Variants in TMEM182 observed in about 807,000 individuals in gnomAD.
The protein encoded by TMEM182 is transmembrane protein 182.
In TMEM182, 20 loss-of-function variants were observed where a neutral mutation model predicts 26.8. That is an observed-to-expected ratio of 0.75 (90% CI 0.53 to 1.09). The LOEUF is 1.09. Among genes scored for constraint, TMEM182 ranks in the 50% least tolerant of loss-of-function variants. The pLI, the probability that TMEM182 is intolerant of heterozygous loss-of-function variation, is 0.00. For missense variants in TMEM182, 277 were observed against 275.5 expected (o/e 1.01, Z -0.04); for synonymous variants, 109 against 102.2 (o/e 1.07, Z -0.40).
At position 102,817,384 on chromosome 2, in the gene TMEM182, G is replaced by C. The variant is rs1305234642; in HGVS notation, c.*2416G>C. ...CACTTTTAGAAAGAGTGAATAAAAAGGGCAGTGAGTTATGCTCTTGGACTT... is the reference window on the plus strand; with the variant it reads ...CACTTTTAGAAAGAGTGAATAAAAACGGCAGTGAGTTATGCTCTTGGACTT... On this transcript the variant is annotated 3_prime_UTR_variant, in exon 5 of 5. Coordinates refer to ENST00000412401, the MANE Select transcript of TMEM182 (RefSeq NM_144632.5). The C allele has an allele frequency of 1.0e-6, 1 of 985,236 alleles. No individual in the cohort carries two copies. Among genetic ancestry groups the C allele is most frequent in the African/African-American group, 1.7e-5 (1 of 57,214 alleles). The allele number at this position is 985,236 out of a possible 1,614,324, so 61.0% of individuals were successfully genotyped here.
intron 3 of TMEM182, among the ~76,000 whole-genome samples, chr2:102,774,902 T>G (rs1680845020): frequency 6.6e-6 from 1 of 152,216 alleles, no homozygotes; most frequent in African/African-American, 2.4e-5. Context: ...TCTTCTTATT[T>G]TCTTCTTTTT....
intron 3 of TMEM182, among the ~76,000 whole-genome samples, chr2:102,769,456 C>T (rs1680588961): frequency 6.6e-6 from 1 of 152,080 alleles, no homozygotes; most frequent in Admixed American, 6.5e-5. Flanking sequence ...TGGACACATA[C>T]CTTCAAACAA....
intron 1 of TMEM182, among the ~76,000 whole-genome samples, chr2:102,753,292 AG>A (rs1679931693): frequency 6.6e-6 from 1 of 151,966 alleles, no homozygotes; most frequent in Non-Finnish European, 1.5e-5. Flanking sequence ...CCTTTTGCAG[AG>A]GGAAGGGTAT....
intron 3 of TMEM182, chr2:102,775,005 T>G (rs1002927116): frequency 6.6e-6 from 1 of 152,274 alleles, no homozygotes; most frequent in Non-Finnish European, 1.5e-5. Context: ...CTTGTCTATA[T>G]ATCTACAAAA....
At chr2:102,741,733 T>A (rs1679551423) in intron 1 of TMEM182, among the ~76,000 whole-genome samples, 1 of 152,192 alleles carries the variant, frequency 6.6e-6, no homozygotes, top group South Asian at 2.1e-4. Context: ...GGTTCCAGTA[T>A]AATAACAGTG....
chr2:102,809,542 A>G (rs1682473373), intron 4 of TMEM182, among the ~76,000 whole-genome samples: 1 of 152,114 alleles, frequency 6.6e-6, no homozygotes, highest in Admixed American at 6.5e-5. Context: ...TGCTTCCTGG[A>G]AACATTTTCC....
intron 3 of TMEM182, among the ~76,000 whole-genome samples, chr2:102,779,811 A>G (rs1168971275): frequency 6.6e-6 from 1 of 152,056 alleles, no homozygotes; most frequent in Admixed American, 6.5e-5. Context: ...AGCCTGGCCA[A>G]CATGATGAAA....
At chr2:102,754,272 C>T (rs1275392195) in intron 1 of TMEM182, among the ~76,000 whole-genome samples, 1 of 152,124 alleles carries the variant, frequency 6.6e-6, no homozygotes, top group Non-Finnish European at 1.5e-5. Context: ...ATATACTGTG[C>T]ATTACCTAAC....
chr2:102,748,849 G>T (rs1679792323), intron 1 of TMEM182, among the ~76,000 whole-genome samples: 1 of 152,006 alleles, frequency 6.6e-6, no homozygotes, highest in Non-Finnish European at 1.5e-5. Flanking sequence ...CATTAAGATT[G>T]ATCTTAAATT....
At chr2:102,801,385 G>A (rs1558780741) in intron 4 of TMEM182, among the ~76,000 whole-genome samples, 1 of 152,134 alleles carries the variant, frequency 6.6e-6, no homozygotes, top group Admixed American at 6.5e-5. Flanking sequence ...CAAAAAGGGG[G>A]TGGGCTAGCT....
chr2:102,804,421 A>G (rs1682271180), intron 4 of TMEM182, among the ~76,000 whole-genome samples: 1 of 152,172 alleles, frequency 6.6e-6, no homozygotes, highest in Non-Finnish European at 1.5e-5. Flanking sequence ...TTGGTTTTCC[A>G]TTCCTGAGTT....
At chr2:102,766,029 C>A (rs1239133828) in intron 3 of TMEM182, among the ~76,000 whole-genome samples, 1 of 152,180 alleles carries the variant, frequency 6.6e-6, no homozygotes, top group African/African-American at 2.4e-5. Flanking sequence ...AACATTCTTA[C>A]TTTTATAAAA....
In TMEM182 at chr2:102,777,277, T is replaced by C. The variant is rs552890271; in HGVS notation, c.331+12850T>C. Among the ~76,000 whole-genome samples, 13 of 152,226 alleles carry C rather than the reference T, an allele frequency of 8.5e-5. 1 individual carries two copies. The South Asian group carries it at 2.3e-3, about 27-fold the overall frequency. ...TTTCAAGGAGTTTTATGGTTTAGCA[T>C]TTTACATTTAGATCTATGATTTATT... On this transcript the variant is annotated intron_variant, in intron 3 of 4. Transcript: ENST00000412401.
intron 3 of TMEM182, among the ~76,000 whole-genome samples, chr2:102,787,860 C>A (rs1035675983): frequency 6.6e-6 from 1 of 152,132 alleles, no homozygotes; most frequent in African/African-American, 2.4e-5. Context: ...CCTCTCTGAG[C>A]CTCATCTGTA....
At chr2:102,797,810 C>G in intron 3 of TMEM182, 53 bp from the exon 4 acceptor site, 1 of 1,576,294 alleles carries the variant, frequency 6.3e-7, no homozygotes, top group Non-Finnish European at 8.6e-7. Flanking sequence ...CTGCTGTGTA[C>G]ACAATCTAAG....
intron 3 of TMEM182, among the ~76,000 whole-genome samples, chr2:102,794,372 T>C (rs1430255895): frequency 1.3e-5 from 2 of 152,240 alleles, no homozygotes; most frequent in Non-Finnish European, 2.9e-5. Context: ...TTCTACTTTA[T>C]TTACATGGAT....
intron 3 of TMEM182, among the ~76,000 whole-genome samples, chr2:102,769,801 T>C (rs750269856): frequency 6.6e-5 from 10 of 152,210 alleles, no homozygotes; most frequent in Non-Finnish European, 1.3e-4. Context: ...GGTACTAAAC[T>C]GTGAATTACT....
Position 102,823,550 on chromosome 2 carries a change from G to T in TMEM182, c.326-19862G>T, listed in dbSNP as rs1250970520. ...GGGTTTCACTATGTTGGCCAGGCTGGTCTCAAACTCCTGACCTCGTGATCC... is the reference window on the plus strand; with the variant it reads ...GGGTTTCACTATGTTGGCCAGGCTGTTCTCAAACTCCTGACCTCGTGATCC... On this transcript the variant is annotated intron_variant, in intron 3 of 3. Transcript: ENST00000486293. 2.0e-5 allele frequency among the ~76,000 whole-genome samples: 3 copies of T among 152,022 alleles called. No individual in the cohort carries two copies. In the East Asian group the frequency reaches 5.8e-4, roughly 29 times the overall value.
chr2:102,804,671 G>A (rs926891260), intron 4 of TMEM182, among the ~76,000 whole-genome samples: 4 of 152,128 alleles, frequency 2.6e-5, no homozygotes, highest in Non-Finnish European at 5.9e-5. Flanking sequence ...CTTCCCAATA[G>A]GAAACCGAAT....
Sources: allele counts gnomAD v4.1 joint callset (sites outside exome capture counted in the v4.1 genomes callset), GRCh38; gene constraint gnomAD v4.1.1; transcripts MANE v1.5; gene names NCBI Gene and HGNC (gene_info 2026-07-23, HGNC 2026-07-21).